UBAP1: variants seen among roughly 807,000 people sequenced by gnomAD.
The protein encoded by UBAP1 is ubiquitin associated protein 1, also known as ubiquitin-associated protein 1.
In UBAP1, 5 loss-of-function variants were observed where a neutral mutation model predicts 39.0. The ratio of observed to expected loss-of-function variants is 0.13; its 90% CI spans 0.07 to 0.27. UBAP1 has a LOEUF of 0.27. Ranked by LOEUF, UBAP1 falls within the 10% of genes least tolerant of loss-of-function variation. The pLI, the probability that UBAP1 is intolerant of heterozygous loss-of-function variation, is 1.00. For missense variants in UBAP1, 490 were observed against 608.1 expected, an observed-to-expected ratio of 0.81 and a Z score of 2.04; for synonymous variants, 211 against 225.1, an observed-to-expected ratio of 0.94 and a Z score of 0.56.
At chr9:34,190,635 T>G (rs1830662320) in intron 1 of UBAP1, among the ~76,000 whole-genome samples, 4 of 143,534 alleles carry the variant, frequency 2.8e-5, no homozygotes, top group Non-Finnish European at 6.1e-5. Flanking sequence ...CTTTCTTTCT[T>G]TTTTTTTTTT....
intron 1 of UBAP1, among the ~76,000 whole-genome samples, chr9:34,195,909 T>G (rs1831010244): frequency 6.7e-6 from 1 of 148,800 alleles, no homozygotes; most frequent in African/African-American, 2.5e-5. Flanking sequence ...TCCTTTGGAT[T>G]TCTATACAAA....
chr9:34,192,006 T>C (rs1056278274), intron 1 of UBAP1: 6 of 151,490 alleles, frequency 4.0e-5, no homozygotes, highest in Non-Finnish European at 8.8e-5. Flanking sequence ...AAAAAATTTT[T>C]TTAATTAAAT....
chr9:34,249,118 C>T (rs1004965892), intron 4 of UBAP1, among the ~76,000 whole-genome samples: 2 of 152,120 alleles, frequency 1.3e-5, no homozygotes, highest in Non-Finnish European at 2.9e-5. Context: ...GGGATCCAGC[C>T]TGGTGTGGCT....
intron 1 of UBAP1, among the ~76,000 whole-genome samples, 169 bp from the exon 2 acceptor site, chr9:34,220,739 A>T (rs775785708): frequency 6.6e-6 from 1 of 152,146 alleles, no homozygotes; most frequent in African/African-American, 2.4e-5. Context: ...CTGGGATTAC[A>T]GGCATGAGCC....
At chr9:34,192,884 C>A (rs1830810116) in intron 1 of UBAP1, among the ~76,000 whole-genome samples, 1 of 129,342 alleles carries the variant, frequency 7.7e-6, no homozygotes, top group Non-Finnish European at 1.7e-5. Context: ...AATATTAGTT[C>A]TTTACAACTA....
intron 2 of UBAP1, chr9:34,224,587 G>A (rs962527343): frequency 1.2e-5 from 5 of 420,854 alleles, no homozygotes; most frequent in Non-Finnish European, 1.7e-5. Context: ...TCTTGCCCCC[G>A]GTCTTGCGGT....
chr9:34,201,712 T>C (rs1246860693), intron 1 of UBAP1, among the ~76,000 whole-genome samples: 2 of 152,128 alleles, frequency 1.3e-5, no homozygotes, highest in Non-Finnish European at 2.9e-5. Context: ...TGCCACCAGT[T>C]GGGTGTTCTC....
intron 1 of UBAP1, among the ~76,000 whole-genome samples, chr9:34,205,595 A>G (rs1034119878): frequency 3.9e-5 from 6 of 152,214 alleles, no homozygotes; most frequent in African/African-American, 1.4e-4. Context: ...TAAAGATTAG[A>G]CACTGTACTA....
intron 2 of UBAP1, among the ~76,000 whole-genome samples, chr9:34,228,429 A>AAAAAAG (rs1194314094): frequency 6.6e-6 from 1 of 151,794 alleles, no homozygotes. Context: ...AAAAAAAAAA[A>AAAAAAG]AAAAAGAAAA....
intron 1 of UBAP1, among the ~76,000 whole-genome samples, chr9:34,192,244 C>T (rs1010400111): frequency 4.3e-4 from 65 of 151,052 alleles, no homozygotes; most frequent in Admixed American, 3.3e-3. Flanking sequence ...AGGCCAGGCG[C>T]GGTGGCTCAT....
rs1031746433 is a variant in UBAP1 at position 34,252,411 on chromosome 9, G to A, written c.*879G>A. 6.6e-6 allele frequency: 1 copy of A among 152,568 alleles called. No homozygotes were observed. The allele number at this position is 152,568 out of a possible 1,614,324, so 9.5% of individuals were successfully genotyped here. ...TCTCTGGTTTGTTTTGTATTATGTT[G>A]TACATCATTAAAGATCTAAATACAA... On this transcript the variant is annotated 3_prime_UTR_variant, in exon 7 of 7. Coordinates refer to ENST00000297661, the MANE Select transcript of UBAP1 (RefSeq NM_016525.5).
intron 1 of UBAP1, among the ~76,000 whole-genome samples, chr9:34,204,294 AACAACAACAAAAAACT>A (rs1563896138): frequency 6.6e-6 from 1 of 152,232 alleles, no homozygotes; most frequent in Non-Finnish European, 1.5e-5. Context: ...GTCTCAAGAC[AACAACAACAAAAAACT>A]GACCAGTTAG....
At chr9:34,180,062 G>A (rs1327836931) in intron 1 of UBAP1, among the ~76,000 whole-genome samples, 1 of 152,096 alleles carries the variant, frequency 6.6e-6, no homozygotes, top group Non-Finnish European at 1.5e-5. Flanking sequence ...AACTTTACTC[G>A]TTAGTGCTTT....
chr9:34,184,900 G>C (rs1459793382), intron 1 of UBAP1, among the ~76,000 whole-genome samples: 1 of 149,860 alleles, frequency 6.7e-6, no homozygotes, highest in African/African-American at 2.5e-5. Context: ...GGGATTACAG[G>C]CGTGCGCCAC....
At chr9:34,240,529 A>T (rs1399284518) in intron 3 of UBAP1, among the ~76,000 whole-genome samples, 2 of 152,178 alleles carry the variant, frequency 1.3e-5, no homozygotes, top group African/African-American at 4.8e-5. Flanking sequence ...TGCAAAATAA[A>T]TTTTTGTAAA....
chr9:34,224,030 T>C, intron 2 of UBAP1: 1 of 519,320 alleles, frequency 1.9e-6, no homozygotes, highest in East Asian at 3.3e-5. Context: ...GAACTCCAAC[T>C]CCTTCCCCTC....
rs150331234 is a variant in UBAP1 at position 34,187,928 on chromosome 9, A to G, written c.-8+8688A>G. On this transcript the variant is annotated intron_variant, in intron 1 of 6. Coordinates refer to ENST00000297661, the MANE Select transcript of UBAP1 (RefSeq NM_016525.5). ...AAGGTATATGTATAAATACATATATACATCTTGGTGGCATTGATTTTTCTA... is the reference window on the plus strand; with the variant it reads ...AAGGTATATGTATAAATACATATATGCATCTTGGTGGCATTGATTTTTCTA... Among the ~76,000 whole-genome samples, 1,074 of 152,024 alleles carry G rather than the reference A, an allele frequency of 7.1e-3. 8 individuals carry two copies. The highest frequency in any genetic ancestry group is 0.048 in the Middle Eastern group (14 of 294).
rs756968108 is a variant in UBAP1 at position 34,179,081 on chromosome 9, G to T, written c.-167G>T. The T allele has an allele frequency of 3.0e-5, 38 of 1,278,002 alleles. No individual in the cohort carries two copies. In the African/African-American group the frequency reaches 3.5e-4, roughly 12 times the overall value. The allele number at this position is 1,278,002 out of a possible 1,614,324, so 79.2% of individuals were successfully genotyped here. On this transcript the variant is annotated 5_prime_UTR_variant, in exon 1 of 7. Coordinates refer to ENST00000297661, the MANE Select transcript of UBAP1 (RefSeq NM_016525.5). ...TCAACATGGCGGCTGCGGCACTGGC[G>T]GTGGCTACGGTGACGGCCTGGCCCG...
chr9:34,181,614 A>G (rs967420715), intron 1 of UBAP1, among the ~76,000 whole-genome samples: 1 of 146,594 alleles, frequency 6.8e-6, no homozygotes, highest in East Asian at 2.1e-4. Context: ...TTGTATTTTT[A>G]GTAGAGACGG....
Sources: gnomAD v4.1 joint callset for allele counts (sites outside exome capture counted in the v4.1 genomes callset) on GRCh38, gnomAD v4.1.1 for gene constraint, MANE v1.5 for transcripts, NCBI Gene and HGNC (gene_info 2026-07-23, HGNC 2026-07-21) for gene names.